HHIPL2: variants seen among roughly 807,000 people sequenced by gnomAD.
HHIPL2 encodes HHIP like 2.
HHIPL2 carries 61 observed loss-of-function variants against 61.0 expected under a neutral mutation model. The observed-to-expected ratio is 1.00, with a 90% confidence interval of 0.81 to 1.24. The LOEUF is 1.24. Among genes scored for constraint, HHIPL2 ranks in the 50% most tolerant of loss-of-function variants. The pLI is 0.00. For missense variants in HHIPL2, 885 were observed against 910.2 expected (o/e 0.97, Z 0.36); for synonymous variants, 343 against 357.4 (o/e 0.96, Z 0.45).
intron 6 of HHIPL2, among the ~76,000 whole-genome samples, chr1:222,527,572 C>A (rs565724760): frequency 1.3e-5 from 2 of 152,122 alleles, no homozygotes; most frequent in East Asian, 3.9e-4. Context: ...TTTCTCCTCT[C>A]GGTCTTTTCC....
At chr1:222,546,210 C>A (rs1249814109) in intron 1 of HHIPL2, among the ~76,000 whole-genome samples, 1 of 152,172 alleles carries the variant, frequency 6.6e-6, no homozygotes. Flanking sequence ...GCTCAGAAAA[C>A]CGTTAAGTAA....
Position 222,532,053 on chromosome 1 carries a change from A to G in HHIPL2, c.1636T>C (p.Cys546Arg). The change falls in exon 6 of 9, where the codon TGC becomes CGC. Residue 546 changes from cysteine to arginine, a missense_variant. Physicochemically the swap from Cys to Arg is radical, Grantham distance 180. Coordinates refer to ENST00000343410, the MANE Select transcript of HHIPL2 (RefSeq NM_024746.4). ...GCACAGGACGTGGTGCTGCCCAGGC[A>G]AAGATCCTGCTTCTTCCATTTCTTG... is the stretch of plus-strand genomic sequence containing the variant. ...KNKKWKKQDLCLGSTTSCAFP... is the reference protein window; with the variant it reads ...KNKKWKKQDLRLGSTTSCAFP... The G allele has an allele frequency of 1.2e-6, 2 of 1,613,842 alleles. No individual in the cohort carries two copies. Among genetic ancestry groups the G allele is most frequent in the Non-Finnish European group, 1.7e-6 (2 of 1,179,736 alleles).
chr1:222,535,266 C>T (rs1659278454), intron 5 of HHIPL2, among the ~76,000 whole-genome samples: 1 of 151,996 alleles, frequency 6.6e-6, no homozygotes, highest in Non-Finnish European at 1.5e-5. Context: ...AATAAAGACT[C>T]CAAAAGTGAA....
chr1:222,527,108 A>G, intron 6 of HHIPL2, 58 bp from the exon 7 acceptor site: 1 of 1,313,620 alleles, frequency 7.6e-7, no homozygotes, highest in East Asian at 2.3e-5. Context: ...TGAGACACAG[A>G]GTTGGATGCA....
chr1:222,526,165 T>C lies in HHIPL2; in HGVS notation c.1805+804A>G, dbSNP rs183751515. On this transcript the variant is annotated intron_variant, in intron 7 of 8. Transcript: ENST00000343410. Reference sequence around the variant, plus strand: ...TGGCTTTTGCCTGTGCTGGTGGAGGTTGGTCAGCCTCTGAGACAGATAGGC... The same window carrying C: ...TGGCTTTTGCCTGTGCTGGTGGAGGCTGGTCAGCCTCTGAGACAGATAGGC... 4.2e-3 allele frequency among the ~76,000 whole-genome samples: 642 copies of C among 151,630 alleles called. 4 individuals are homozygous for C. Among genetic ancestry groups the C allele is most frequent in the African/African-American group, 0.014 (583 of 41,304 alleles).
chr1:222,545,275 A>G (rs1174819968), intron 1 of HHIPL2, among the ~76,000 whole-genome samples: 1 of 152,164 alleles, frequency 6.6e-6, no homozygotes, highest in Non-Finnish European at 1.5e-5. Context: ...GTGCAGAACC[A>G]TCTCATTCAC....
intron 3 of HHIPL2, among the ~76,000 whole-genome samples, chr1:222,541,775 T>A (rs757934891): frequency 1.3e-5 from 2 of 152,148 alleles, no homozygotes; most frequent in Admixed American, 1.3e-4. Flanking sequence ...ATTTTTAAAA[T>A]CCTGAATTCT....
At chr1:222,539,527 T>TAAAAAA (rs10537670) in intron 4 of HHIPL2, among the ~76,000 whole-genome samples, 1 of 85,188 alleles carries the variant, frequency 1.2e-5, no homozygotes, top group Non-Finnish European at 2.4e-5. Context: ...AGACTCTGTC[T>TAAAAAA]AAAAAAAAAA....
At position 222,543,975 on chromosome 1, in the gene HHIPL2, T is replaced by C; in HGVS notation, c.536A>G (p.Tyr179Cys). 2 of 1,614,074 alleles carry C rather than the reference T, an allele frequency of 1.2e-6. No individual in the cohort carries two copies. The highest frequency in any genetic ancestry group is 1.3e-5 in the African/African-American group (1 of 75,002). The change falls in exon 2 of 9, where the codon TAT (tyrosine) becomes TGT (cysteine). Residue 179 changes from tyrosine to cysteine, a missense_variant. Coordinates refer to ENST00000343410, the MANE Select transcript of HHIPL2 (RefSeq NM_024746.4). ...GTTCCTCAGGACATTAGGGAAGCAATAGTCCTTGTCAGGAAGGTCCAGGAG... is the reference window on the plus strand; with the variant it reads ...GTTCCTCAGGACATTAGGGAAGCAACAGTCCTTGTCAGGAAGGTCCAGGAG... ...CHLLDLPDKD[Y>C]CFPNVLRNDY...
Position 222,547,710 on chromosome 1 carries a change from G to A in HHIPL2, c.321+14C>T, listed in dbSNP as rs757549089. On this transcript the variant is annotated intron_variant, in intron 1 of 8. Transcript: ENST00000343410. ...GCACCCAAACCCCTGGGGCTGGAAG[G>A]CACTTTTCACTACCTGGCAAAGGAT... The A allele has an allele frequency of 1.2e-5, 19 of 1,605,392 alleles. No homozygotes were observed. The highest frequency in any genetic ancestry group is 1.6e-5 in the Non-Finnish European group (19 of 1,173,052).
In HHIPL2 at chr1:222,547,996, C is replaced by T. The variant is rs773477746; in HGVS notation, c.49G>A (p.Ala17Thr). 8.7e-6 allele frequency: 14 copies of T among 1,604,086 alleles called. No homozygotes were observed. The highest frequency in any genetic ancestry group is 1.2e-5 in the Non-Finnish European group (14 of 1,174,048). ...PNLCGGLHCR[A>T]PWLSSGILCL... The stretch of plus-strand genomic sequence containing the variant: ...AGAATGCCAGAAGAGAGCCAGGGGG[C>T]CCGGCAATGCAGACCACCACACAGA... The change falls in exon 1 of 9, where the codon GCC (alanine) becomes ACC (threonine). Residue 17 changes from alanine (A) to threonine (T), a missense_variant. Ala to Thr is a moderately conservative substitution (Grantham distance 58). Transcript: ENST00000343410.
chr1:222,547,687 AC>A, intron 1 of HHIPL2, 36 bp downstream of exon 1: 3 of 1,563,976 alleles, frequency 1.9e-6, no homozygotes, highest in Non-Finnish European at 2.6e-6. Context: ...GCAGCCCAGC[AC>A]CCAAACCCCT....
chr1:222,537,842 C>T (rs920682058), intron 5 of HHIPL2, among the ~76,000 whole-genome samples: 1 of 152,094 alleles, frequency 6.6e-6, no homozygotes, highest in Non-Finnish European at 1.5e-5. Context: ...ATAACATTTA[C>T]TATAACATCA....
At chr1:222,532,227 C>T in intron 5 of HHIPL2, 116 bp from the exon 6 acceptor site, 1 of 859,532 alleles carries the variant, frequency 1.2e-6, no homozygotes, top group Non-Finnish European at 1.7e-6. Context: ...ATTAAGAGAT[C>T]AATAACTAGC....
rs760429004 is a variant in HHIPL2, at chr1:222,540,143, C to A, written c.1317G>T (p.Arg439=). Residue 439 remains arginine (R), a synonymous_variant, in exon 4 of 9, where the codon CGG becomes CGT. Coordinates refer to ENST00000343410, the MANE Select transcript of HHIPL2 (RefSeq NM_024746.4). ...GDPITRQGRG[R]IFCGDVGQNR... is the part of the protein sequence containing the mutation. Reference sequence around the variant, plus strand: ...TCTGGCCCACGTCCCCACAGAATATCCGGCCTCGGCCCTGGCGCGTGATGG... The same window carrying A: ...TCTGGCCCACGTCCCCACAGAATATACGGCCTCGGCCCTGGCGCGTGATGG... The A allele has an allele frequency of 4.3e-6, 7 of 1,614,170 alleles. No homozygotes were observed. Among genetic ancestry groups the A allele is most frequent in the East Asian group, 2.2e-5 (1 of 44,902 alleles).
chr1:222,542,258 C>T, intron 2 of HHIPL2, 103 bp from the exon 3 acceptor site: 1 of 1,339,972 alleles, frequency 7.5e-7, no homozygotes, highest in South Asian at 1.3e-5. Flanking sequence ...CGAGATTTGC[C>T]AAGCCAGCCA....
chr1:222,522,723 T>C lies in HHIPL2; in HGVS notation c.2053A>G (p.Lys685Glu), dbSNP rs1658980152. 1.2e-6 allele frequency: 2 copies of C among 1,614,024 alleles called. No individual in the cohort carries two copies. Among genetic ancestry groups the C allele is most frequent in the Admixed American group, 3.3e-5 (2 of 60,004 alleles). ...TGGGGCCCCACTCTGGCTTTCTTCT[T>C]TGTACCAGGCCCTCGCAATGTATTC... ...SKNTLRGPGT[K>E]KKARVGPHVR... is the part of the protein sequence containing the mutation. The change falls in exon 9 of 9, where the codon AAG (lysine) becomes GAG (glutamate). Residue 685 changes from lysine (K) to glutamate (E), a missense_variant. Physicochemically the swap from Lys to Glu is moderately conservative, Grantham distance 56. Coordinates refer to ENST00000343410, the MANE Select transcript of HHIPL2 (RefSeq NM_024746.4).
In HHIPL2 at chr1:222,543,902, G is replaced by T; in HGVS notation, c.609C>A (p.Gly203=). The change falls in exon 2 of 9, where the codon GGC becomes GGA. Residue 203 remains glycine, a synonymous_variant. Transcript: ENST00000343410. ...HLGMVAQDPQ[G]CLQLCLSEVA... is the part of the protein sequence containing the mutation. ...CCTCGCTCAGGCAGAGCTGCAGGCA[G>T]CCCTGAGGATCTTGGGCCACCATGC... The T allele has an allele frequency of 3.7e-6, 6 of 1,614,234 alleles. No individual in the cohort carries two copies. The highest frequency in any genetic ancestry group is 5.1e-6 in the Non-Finnish European group (6 of 1,180,038).
At chr1:222,528,334 C>T (rs1398701884) in intron 6 of HHIPL2, among the ~76,000 whole-genome samples, 2 of 152,150 alleles carry the variant, frequency 1.3e-5, no homozygotes, top group African/African-American at 2.4e-5. Context: ...AGGCCGGGCG[C>T]GGTAGCTCAT....
Sources: allele counts gnomAD v4.1 joint callset (sites outside exome capture counted in the v4.1 genomes callset), GRCh38; gene constraint gnomAD v4.1.1; transcripts MANE v1.5; gene names NCBI Gene and HGNC (gene_info 2026-07-23, HGNC 2026-07-21).